ABCB4: variants seen among roughly 807,000 people sequenced by gnomAD.
ABCB4 encodes the protein phosphatidylcholine translocator ABCB4.
In ABCB4, 76 loss-of-function variants were observed where a neutral mutation model predicts 145.7. That is an observed-to-expected ratio of 0.52 (90% CI 0.43 to 0.63). The LOEUF (loss-of-function observed/expected upper bound fraction) is 0.63, where lower values mean the gene tolerates loss of function less well. ABCB4 is among the 30% of genes least tolerant of loss of function. The pLI is 0.00. For missense variants in ABCB4, 1,234 were observed against 1,553.1 expected, an observed-to-expected ratio of 0.79 and a Z score of 3.45; for synonymous variants, 517 against 566.8, an observed-to-expected ratio of 0.91 and a Z score of 1.25.
intron 25 of ABCB4, among the ~76,000 whole-genome samples, chr7:87,407,254 C>T (rs966715080): frequency 2.6e-5 from 4 of 152,206 alleles, no homozygotes; most frequent in Admixed American, 6.5e-5. Flanking sequence ...TTCCCACCAT[C>T]GTATCAGCAC....
rs45473394 is a variant in ABCB4 at position 87,472,227 on chromosome 7, C to T, written c.135+394G>A. On this transcript the variant is annotated intron_variant, in intron 3 of 27. Coordinates refer to ENST00000649586, the MANE Select transcript of ABCB4 (RefSeq NM_000443.4). ...CTGTCTGCAGACAGTTTTTTGTTGT[C>T]GTTGTTTTTGAGACAGGGTCTTGCT... 5.5e-4 allele frequency among the ~76,000 whole-genome samples: 84 copies of T among 152,086 alleles called. No individual in the cohort carries two copies. In the East Asian group the frequency reaches 0.016, roughly 28 times the overall value.
chr7:87,407,169 C>T, intron 25 of ABCB4, among the ~76,000 whole-genome samples: 1 of 152,112 alleles, frequency 6.6e-6, no homozygotes, highest in East Asian at 1.9e-4. Flanking sequence ...AAAATACAGC[C>T]TCGTGTAAGG....
intron 4 of ABCB4, among the ~76,000 whole-genome samples, chr7:87,461,031 C>T (rs1463645638): frequency 7.2e-5 from 11 of 152,046 alleles, no homozygotes; most frequent in African/African-American, 2.7e-4. Context: ...TGGCAACCTC[C>T]GCCCCCTGGG....
Position 87,423,952 on chromosome 7 carries a change from C to G in ABCB4, c.2165G>C (p.Gly722Ala), listed in dbSNP as rs779885518. The change falls in exon 17 of 28, where the codon GGG (glycine) becomes GCG (alanine). Residue 722 changes from glycine to alanine, a missense_variant. Gly to Ala is a moderately conservative substitution (Grantham distance 60, BLOSUM62 0). Coordinates refer to ENST00000649586, the MANE Select transcript of ABCB4 (RefSeq NM_000443.4). ...GACTGAAAATGCCGGCTGAAGCCCC[C>G]CATTGGCAATGGCACATACTGTTCC... is the stretch of plus-strand genomic sequence containing the variant. ...VVGTVCAIAN[G>A]GLQPAFSVIF... The G allele has an allele frequency of 6.2e-6, 10 of 1,613,974 alleles. No homozygotes were observed. Among genetic ancestry groups the G allele is most frequent in the Non-Finnish European group, 8.5e-6 (10 of 1,179,984 alleles).
At position 87,449,267 on chromosome 7, in the gene ABCB4, A is replaced by G. The variant is rs1200125472; in HGVS notation, c.833+701T>C. The stretch of plus-strand genomic sequence containing the variant: ...AAGGCCCTACAAAGAATTCTGGGCT[A>G]TAACTAGGAAGTCGATGTTTTCTCA... On this transcript the variant is annotated intron_variant, in intron 8 of 27. Coordinates refer to ENST00000649586, the MANE Select transcript of ABCB4 (RefSeq NM_000443.4). Among the ~76,000 whole-genome samples the G allele has an allele frequency of 2.6e-5, 4 of 152,176 alleles. No homozygotes were observed. In the South Asian group the frequency reaches 8.3e-4, roughly 32 times the overall value.
intron 14 of ABCB4, among the ~76,000 whole-genome samples, chr7:87,438,551 C>A (rs1249990701): frequency 6.6e-6 from 1 of 152,034 alleles, no homozygotes; most frequent in Non-Finnish European, 1.5e-5. Context: ...GAGTTTGAGA[C>A]CAGCCTGGGC....
chr7:87,471,733 G>A (rs567058943), intron 3 of ABCB4, among the ~76,000 whole-genome samples: 2 of 152,288 alleles, frequency 1.3e-5, no homozygotes, highest in South Asian at 2.1e-4. Context: ...AGCTGCCTCT[G>A]TAAGACATAT....
the ABCB4 span, among the ~76,000 whole-genome samples, chr7:87,368,635 C>G: frequency 1.3e-5 from 2 of 152,204 alleles, no homozygotes; most frequent in African/African-American, 4.8e-5. Flanking sequence ...ATACCCACCA[C>G]TATATTTCCT....
intron 26 of ABCB4, among the ~76,000 whole-genome samples, chr7:87,404,938 C>G (rs992160098): frequency 2.6e-5 from 4 of 152,166 alleles, no homozygotes; most frequent in Non-Finnish European, 5.9e-5. Flanking sequence ...AATGGGATGG[C>G]CACTCTGGAA....
chr7:87,416,358 G>T (rs1808974949), intron 21 of ABCB4, among the ~76,000 whole-genome samples: 1 of 152,196 alleles, frequency 6.6e-6, no homozygotes, highest in African/African-American at 2.4e-5. Context: ...TAGAGATACT[G>T]TCTGTTCCAC....
intron 12 of ABCB4, 44 bp downstream of exon 12, chr7:87,443,275 G>C (rs553587233): frequency 2.9e-5 from 46 of 1,613,040 alleles, no homozygotes; most frequent in Admixed American, 1.3e-4. Context: ...GGGCCAATTT[G>C]TATCCAGCTT....
rs1809309128 is a variant in ABCB4 at position 87,420,092 on chromosome 7, G to C, written c.2317-17C>G. On this transcript the variant is annotated splice_polypyrimidine_tract_variant and intron_variant, in intron 18 of 27. Transcript: ENST00000649586. ...CGTGAAACCCTGGTTGAGAAAAAAG[G>C]CTATGGTCTCTTTTGATCTTTATGT... The C allele has an allele frequency of 6.2e-7, 1 of 1,612,426 alleles. No individual in the cohort carries two copies. The highest frequency in any genetic ancestry group is 8.5e-7 in the Non-Finnish European group (1 of 1,178,488).
At chr7:87,398,654 A>G, downstream of ABCB4, 1 of 1,611,906 alleles carries the variant, frequency 6.2e-7, no homozygotes, top group African/African-American at 1.3e-5. Context: ...GAGATGAATC[A>G]TCTATTAAGC....
At chr7:87,400,494 G>A (rs1807735443), downstream of ABCB4, among the ~76,000 whole-genome samples, 1 of 152,148 alleles carries the variant, frequency 6.6e-6, no homozygotes, top group Admixed American at 6.5e-5. Context: ...TTCAGAGTTG[G>A]CTTCAGTAGC....
intron 16 of ABCB4, among the ~76,000 whole-genome samples, chr7:87,425,201 T>C (rs1809724069): frequency 6.6e-6 from 1 of 152,204 alleles, no homozygotes; most frequent in African/African-American, 2.4e-5. Flanking sequence ...CTCCCTATGA[T>C]GGTACTTGGG....
intron 8 of ABCB4, 70 bp downstream of exon 8, chr7:87,449,898 T>A: frequency 6.2e-7 from 1 of 1,612,382 alleles, no homozygotes; most frequent in Admixed American, 1.7e-5. Context: ...AAAAAACACA[T>A]ACCACAAAGA....
chr7:87,387,641 G>A, the ABCB4 span, among the ~76,000 whole-genome samples: 4 of 152,028 alleles, frequency 2.6e-5, no homozygotes, highest in Non-Finnish European at 5.9e-5. Flanking sequence ...CTAGAGAAAG[G>A]AAATTTTTGT....
intron 24 of ABCB4, among the ~76,000 whole-genome samples, chr7:87,408,570 A>G (rs950558474): frequency 2.6e-5 from 4 of 152,250 alleles, no homozygotes; most frequent in African/African-American, 9.6e-5. Flanking sequence ...AGGCTTGGAA[A>G]TTTAGCAACA....
chr7:87,390,927 G>A, the ABCB4 span, among the ~76,000 whole-genome samples: 1 of 152,154 alleles, frequency 6.6e-6, no homozygotes, highest in Non-Finnish European at 1.5e-5. Flanking sequence ...AATTTTGTGG[G>A]TCATTTTTTG....
Sources: allele counts gnomAD v4.1 joint callset (sites outside exome capture counted in the v4.1 genomes callset), GRCh38; gene constraint gnomAD v4.1.1; transcripts MANE v1.5; gene names NCBI Gene and HGNC (gene_info 2026-07-23, HGNC 2026-07-21).